The following LSAMP variants were observed in gnomAD, a reference collection of about 807,000 sequenced individuals.
LSAMP encodes limbic system-associated membrane protein.
In LSAMP, 7 loss-of-function variants were observed where a neutral mutation model predicts 38.6. The observed-to-expected ratio is 0.18, with a 90% CI of 0.10 to 0.34. LSAMP has a LOEUF of 0.34. Among genes scored for constraint, LSAMP ranks in the 10% least tolerant of loss-of-function variants. LSAMP has a pLI of 1.00. For synonymous variants in LSAMP, 154 were observed against 166.8 expected, an observed-to-expected ratio of 0.92 and a Z score of 0.59; for missense variants, 313 against 420.0, an observed-to-expected ratio of 0.75 and a Z score of 2.23.
chr3:116,376,598 C>A (rs1174829299), intron 1 of LSAMP, among the ~76,000 whole-genome samples: 1 of 151,856 alleles, frequency 6.6e-6, no homozygotes, highest in Non-Finnish European at 1.5e-5. Context: ...GCATTTTTTT[C>A]TTAGTGCAGT....
intron 1 of LSAMP, among the ~76,000 whole-genome samples, chr3:116,234,171 G>T (rs1456714787): frequency 6.6e-6 from 1 of 152,168 alleles, no homozygotes; most frequent in African/African-American, 2.4e-5. Context: ...GTCTTTTTCT[G>T]TTGTATATGT....
chr3:116,264,538 C>CA (rs547783231), intron 1 of LSAMP, among the ~76,000 whole-genome samples: 1 of 151,958 alleles, frequency 6.6e-6, no homozygotes, highest in Admixed American at 6.6e-5. Context: ...CTGTGACTGT[C>CA]AAAAAATAAG....
intron 3 of LSAMP, among the ~76,000 whole-genome samples, chr3:115,932,358 C>T (rs1296423594): frequency 1.3e-5 from 2 of 152,098 alleles, no homozygotes; most frequent in Admixed American, 1.3e-4. Flanking sequence ...GTGAAAGAAA[C>T]TATTTTGTAG....
chr3:116,166,620 T>A (rs1394213427), intron 1 of LSAMP, among the ~76,000 whole-genome samples: 2 of 152,160 alleles, frequency 1.3e-5, no homozygotes, highest in African/African-American at 2.4e-5. Flanking sequence ...ATGCATTTTT[T>A]ATAATTGCAT....
At chr3:115,821,107 T>C (rs184863449) in intron 6 of LSAMP, among the ~76,000 whole-genome samples, 180 of 152,286 alleles carry the variant, frequency 1.2e-3, no homozygotes, top group Admixed American at 2.0e-3. Flanking sequence ...CGTGATGTGA[T>C]TTTTTTCTCT....
At chr3:115,990,626 T>G (rs1939640242) in intron 3 of LSAMP, among the ~76,000 whole-genome samples, 1 of 152,078 alleles carries the variant, frequency 6.6e-6, no homozygotes, top group South Asian at 2.1e-4. Flanking sequence ...AAAATGCACC[T>G]GAACTTCCCA....
At position 115,946,661 on chromosome 3, in the gene LSAMP, A is replaced by C. The variant is rs566364316; in HGVS notation, c.514+72854T>G. Among the ~76,000 whole-genome samples, 42 of 152,334 alleles carry C rather than the reference A, an allele frequency of 2.8e-4. No individual in the cohort carries two copies. The South Asian group carries it at 8.5e-3, about 31-fold the overall frequency. On this transcript the variant is annotated intron_variant, in intron 3 of 6. Coordinates refer to ENST00000490035, the MANE Select transcript of LSAMP (RefSeq NM_002338.5). ...CATAATTAAAATCTTTCTACAAAGT[A>C]AACTGCAAGCCCTTCGTTGGAAAAT...
intron 1 of LSAMP, among the ~76,000 whole-genome samples, chr3:116,239,161 C>T (rs2046500058): frequency 6.6e-6 from 1 of 152,124 alleles, no homozygotes; most frequent in African/African-American, 2.4e-5. Context: ...GGTTGCTGAC[C>T]TCACCACAGG....
At chr3:115,859,730 C>T (rs1287826645) in intron 3 of LSAMP, among the ~76,000 whole-genome samples, 2 of 152,192 alleles carry the variant, frequency 1.3e-5, no homozygotes, top group Non-Finnish European at 2.9e-5. Context: ...TTCCTGGCAT[C>T]CAGAGAGATC....
At chr3:116,341,565 C>A (rs1447495437) in intron 1 of LSAMP, among the ~76,000 whole-genome samples, 1 of 151,924 alleles carries the variant, frequency 6.6e-6, no homozygotes, top group Non-Finnish European at 1.5e-5. Flanking sequence ...ACCAATACAT[C>A]TTGAGCAAAG....
chr3:116,334,464 C>T (rs893394286), intron 1 of LSAMP, among the ~76,000 whole-genome samples: 19 of 152,022 alleles, frequency 1.2e-4, no homozygotes, highest in Admixed American at 2.0e-4. Context: ...ACCAACATCC[C>T]TTATGAACAT....
intron 6 of LSAMP, among the ~76,000 whole-genome samples, chr3:115,828,832 T>A (rs889480191): frequency 3.9e-5 from 6 of 152,140 alleles, no homozygotes; most frequent in East Asian, 1.9e-4. Flanking sequence ...TTAAAAAAAA[T>A]ATTCATTTTC....
intron 3 of LSAMP, among the ~76,000 whole-genome samples, chr3:115,895,855 T>C (rs1936715619): frequency 6.6e-6 from 1 of 152,138 alleles, no homozygotes; most frequent in South Asian, 2.1e-4. Flanking sequence ...ACATTCTAAC[T>C]TCTAGGGATG....
At chr3:116,420,386 T>C (rs2049106289) in intron 1 of LSAMP, among the ~76,000 whole-genome samples, 1 of 151,902 alleles carries the variant, frequency 6.6e-6, no homozygotes, top group Non-Finnish European at 1.5e-5. Context: ...GCCTGAGCCA[T>C]TGCGCCCAGC....
rs67711628 is a variant in LSAMP at position 115,928,973 on chromosome 3, G to GTTTTTTTTT, written c.515-76365_515-76357dup. 1.0e-3 allele frequency among the ~76,000 whole-genome samples: 110 copies of GTTTTTTTTT among 109,898 alleles called. 2 individuals are homozygous for GTTTTTTTTT. Among genetic ancestry groups the GTTTTTTTTT allele is most frequent in the African/African-American group, 2.9e-3 (80 of 28,046 alleles). The allele number at this position is 109,898 out of a possible 152,430, so 72.1% of individuals were successfully genotyped here. A position where few individuals can be genotyped will look rare whatever the true frequency, so the allele number is the denominator to read the frequency against. On this transcript the variant is annotated intron_variant, in intron 3 of 6. Transcript: ENST00000490035. ...GGCTTATCATGCAGGTTTTTTGTTTGTTTTTTTTTTTTTTTTTGCTTGTTT... is the reference window on the plus strand; with the variant it reads ...GGCTTATCATGCAGGTTTTTTGTTTGTTTTTTTTTTTTTTTTTTTTTTTTTTGCTTGTTT...
At chr3:116,399,819 T>C (rs1353197290) in intron 1 of LSAMP, among the ~76,000 whole-genome samples, 1 of 152,198 alleles carries the variant, frequency 6.6e-6, no homozygotes, top group Non-Finnish European at 1.5e-5. Flanking sequence ...ATTGCACATC[T>C]ACAAGCATAA....
intron 3 of LSAMP, among the ~76,000 whole-genome samples, chr3:115,885,456 A>G (rs531640088): frequency 6.6e-6 from 1 of 152,088 alleles, no homozygotes; most frequent in Non-Finnish European, 1.5e-5. Context: ...AGTTCTGAAG[A>G]AAAACTAGAA....
At chr3:116,003,528 C>T (rs1225228880) in intron 3 of LSAMP, among the ~76,000 whole-genome samples, 1 of 152,004 alleles carries the variant, frequency 6.6e-6, no homozygotes, top group Non-Finnish European at 1.5e-5. Context: ...GAATAGTGGT[C>T]CCCCAAAAGA....
intron 1 of LSAMP, among the ~76,000 whole-genome samples, chr3:116,311,222 G>A (rs1402554540): frequency 3.9e-5 from 6 of 152,100 alleles, no homozygotes; most frequent in South Asian, 4.1e-4. Context: ...ATTCCTTCTC[G>A]TTGGAACTAC....
Sources: allele counts gnomAD v4.1 joint callset (sites outside exome capture counted in the v4.1 genomes callset), GRCh38; gene constraint gnomAD v4.1.1; transcripts MANE v1.5; gene names NCBI Gene and HGNC (gene_info 2026-07-23, HGNC 2026-07-21).